The following R3HDM1 variants were observed in gnomAD, a reference collection of about 807,000 sequenced individuals.
The protein encoded by R3HDM1 is R3H domain-containing protein 1.
Under a neutral mutation model 141.1 loss-of-function variants are expected in R3HDM1, and 46 were observed. The ratio of observed to expected loss-of-function variants is 0.33; its 90% CI spans 0.26 to 0.42. The LOEUF (loss-of-function observed/expected upper bound fraction) is 0.42, where lower values mean the gene tolerates loss of function less well. R3HDM1 is among the 10% of genes least tolerant of loss of function. The pLI is 1.00. For synonymous variants in R3HDM1, 435 were observed against 472.9 expected, an observed-to-expected ratio of 0.92 and a Z score of 1.04; for missense variants, 1,184 against 1,368.3, an observed-to-expected ratio of 0.87 and a Z score of 2.12.
intron 21 of R3HDM1, among the ~76,000 whole-genome samples, chr2:135,696,896 G>T (rs1474128213): frequency 6.6e-6 from 1 of 152,200 alleles, no homozygotes; most frequent in African/African-American, 2.4e-5. Flanking sequence ...GTGAGGTTAA[G>T]ATAGGCCACA....
chr2:135,690,177 A>C (rs1360928635), intron 21 of R3HDM1, among the ~76,000 whole-genome samples: 1 of 151,644 alleles, frequency 6.6e-6, no homozygotes, highest in Non-Finnish European at 1.5e-5. Flanking sequence ...CTTTTGTCCT[A>C]CTTGTGATAC....
intron 20 of R3HDM1, among the ~76,000 whole-genome samples, chr2:135,679,255 CG>C (rs2069796253): frequency 6.6e-6 from 1 of 151,694 alleles, no homozygotes; most frequent in Non-Finnish European, 1.5e-5. Context: ...GAATTGTGTT[CG>C]TGTGATTTCA....
chr2:135,664,907 A>T (rs2067268889), intron 19 of R3HDM1, among the ~76,000 whole-genome samples: 1 of 152,266 alleles, frequency 6.6e-6, no homozygotes, highest in South Asian at 2.1e-4. Context: ...TGTTAGGCAT[A>T]TCACTTAAAG....
intron 1 of R3HDM1, among the ~76,000 whole-genome samples, chr2:135,585,921 C>G (rs1707798615): frequency 6.6e-6 from 1 of 152,108 alleles, no homozygotes; most frequent in Admixed American, 6.6e-5. Context: ...TTGGAAGATG[C>G]AAAACTGTCA....
chr2:135,574,470 TG>T (rs1704908326), intron 1 of R3HDM1, among the ~76,000 whole-genome samples: 1 of 152,230 alleles, frequency 6.6e-6, no homozygotes, highest in Non-Finnish European at 1.5e-5. Flanking sequence ...ATTGGAATGT[TG>T]GAAAGCTTCT....
chr2:135,661,393 G>A lies in R3HDM1; in HGVS notation c.2152G>A (p.Gly718Ser). The A allele has an allele frequency of 6.2e-7, 1 of 1,613,620 alleles. No homozygotes were observed. Among genetic ancestry groups the A allele is most frequent in the Non-Finnish European group, 8.5e-7 (1 of 1,179,780 alleles). The change falls in exon 19 of 27, where the codon GGT becomes AGT. Residue 718 changes from glycine (G) to serine (S), a missense_variant and splice_region_variant. Gly to Ser is a moderately conservative substitution (Grantham distance 56). Coordinates refer to ENST00000683871, the MANE Select transcript of R3HDM1 (RefSeq NM_001378107.1). ...QPLPQPAQQTGYQVIPNQQQN... is the reference protein window; with the variant it reads ...QPLPQPAQQTSYQVIPNQQQN... ...ACTGCCACAACCTGCGCAGCAGACA[G>A]GTGAGTTGTGTTTCTTATGTCATAA...
intron 1 of R3HDM1, chr2:135,581,356 AACATTTC>A: frequency 3.0e-6 from 3 of 985,254 alleles, no homozygotes; most frequent in African/African-American, 3.5e-5. Context: ...CCACCTGTGG[AACATTTC>A]ACTTTACCTT....
At chr2:135,618,381 C>T (rs1271284638) in intron 5 of R3HDM1, among the ~76,000 whole-genome samples, 5 of 150,948 alleles carry the variant, frequency 3.3e-5, no homozygotes, top group South Asian at 2.1e-4. Context: ...AGGCTGGTTG[C>T]GAACTCCTGA....
At chr2:135,653,780 T>C (rs1000711421) in intron 18 of R3HDM1, among the ~76,000 whole-genome samples, 6 of 152,120 alleles carry the variant, frequency 3.9e-5, no homozygotes, top group Non-Finnish European at 5.9e-5. Context: ...ATACAAAAAT[T>C]AGCTGGGTGT....
At chr2:135,605,250 T>C (rs1156655220) in intron 3 of R3HDM1, 3 of 264,280 alleles carry the variant, frequency 1.1e-5, no homozygotes, top group Non-Finnish European at 2.1e-5. Flanking sequence ...TTTATTGGCT[T>C]TCTACTTTCT....
intron 20 of R3HDM1, among the ~76,000 whole-genome samples, chr2:135,677,914 G>A (rs1328771958): frequency 6.6e-6 from 1 of 151,864 alleles, no homozygotes; most frequent in Non-Finnish European, 1.5e-5. Flanking sequence ...CTCTAGTAGT[G>A]GTCGGTCGCT....
At chr2:135,558,072 G>T (rs544816244) in intron 1 of R3HDM1, among the ~76,000 whole-genome samples, 1 of 152,148 alleles carries the variant, frequency 6.6e-6, no homozygotes, top group Non-Finnish European at 1.5e-5. Context: ...TAGAAATATC[G>T]AGTTATAGAT....
intron 14 of R3HDM1, among the ~76,000 whole-genome samples, chr2:135,639,667 C>T (rs1010228174): frequency 1.3e-5 from 2 of 152,214 alleles, no homozygotes; most frequent in Non-Finnish European, 2.9e-5. Flanking sequence ...CTACCTGCTT[C>T]CTTGGAGTTC....
At chr2:135,709,680 T>C (rs979542374) in intron 22 of R3HDM1, 144 bp downstream of exon 22, 1 of 976,268 alleles carries the variant, frequency 1.0e-6, no homozygotes, top group African/African-American at 1.6e-5. Flanking sequence ...TACTGAATCA[T>C]AGTTAACATG....
chr2:135,709,557 A>C (rs775024341), intron 22 of R3HDM1, 21 bp downstream of exon 22: 2 of 1,610,776 alleles, frequency 1.2e-6, no homozygotes, highest in African/African-American at 1.3e-5. Flanking sequence ...ATCAGTGAAA[A>C]TAAGATGATT....
At chr2:135,635,834 G>T in intron 9 of R3HDM1, 56 bp from the exon 10 acceptor site, 1 of 1,522,318 alleles carries the variant, frequency 6.6e-7, no homozygotes, top group Non-Finnish European at 8.8e-7. Flanking sequence ...TAACTTCTTT[G>T]CTAATATTGT....
chr2:135,533,685 C>G (rs1695430274), intron 1 of R3HDM1, among the ~76,000 whole-genome samples: 1 of 152,200 alleles, frequency 6.6e-6, no homozygotes, highest in Non-Finnish European at 1.5e-5. Context: ...GGAGACCAGC[C>G]TGACCAACAT....
In R3HDM1 at chr2:135,641,552, T is replaced by A. The variant is rs767479782; in HGVS notation, c.1236T>A (p.Gly412=). Residue 412 remains glycine (G), a synonymous_variant, in exon 15 of 27, where the codon GGT becomes GGA. Transcript: ENST00000683871. ...RLSKTGSESS[G]SVGSSTGSLS... The stretch of plus-strand genomic sequence containing the variant: ...CTCTTCTAGGTTCTGAGTCTTCTGG[T>A]AGTGTAGGGTCATCTACAGGCTCTC... The A allele has an allele frequency of 1.1e-5, 17 of 1,611,642 alleles. No homozygotes were observed. Among genetic ancestry groups the A allele is most frequent in the Non-Finnish European group, 1.2e-5 (14 of 1,179,260 alleles).
At chr2:135,675,563 A>T in intron 20 of R3HDM1, 77 bp downstream of exon 20, 1 of 1,380,948 alleles carries the variant, frequency 7.2e-7, no homozygotes, top group South Asian at 1.5e-5. Context: ...TACATCTTCT[A>T]TGCTCTCCTT....
Sources: gnomAD v4.1 joint callset for allele counts (sites outside exome capture counted in the v4.1 genomes callset) on GRCh38, gnomAD v4.1.1 for gene constraint, MANE v1.5 for transcripts, NCBI Gene and HGNC (gene_info 2026-07-23, HGNC 2026-07-21) for gene names.